GAB2: variants seen among roughly 807,000 people sequenced by gnomAD.
GAB2 encodes GRB2-associated-binding protein 2.
GAB2 carries 26 observed loss-of-function variants against 65.5 expected under a neutral mutation model. The ratio of observed to expected loss-of-function variants is 0.40; its 90% CI spans 0.29 to 0.55. The LOEUF is 0.55. Among genes scored for constraint, GAB2 ranks in the 20% least tolerant of loss-of-function variants. The pLI is 0.53. For synonymous variants in GAB2, 321 were observed against 329.6 expected, an observed-to-expected ratio of 0.97 and a Z score of 0.28; for missense variants, 884 against 875.8, an observed-to-expected ratio of 1.01 and a Z score of -0.12.
intron 1 of GAB2, among the ~76,000 whole-genome samples, chr11:78,387,807 T>C (rs146176789): frequency 1.3e-5 from 2 of 152,320 alleles, no homozygotes; most frequent in East Asian, 1.9e-4. Context: ...GTTTATTTTA[T>C]ATGGAGACAC....
intron 1 of GAB2, among the ~76,000 whole-genome samples, chr11:78,335,765 C>A (rs753046241): frequency 1.3e-5 from 2 of 152,090 alleles, no homozygotes; most frequent in East Asian, 1.9e-4. Context: ...TGTTCTATTT[C>A]TGTGAAGAAT....
chr11:78,275,238 T>C (rs1866132965), intron 2 of GAB2, among the ~76,000 whole-genome samples: 1 of 152,014 alleles, frequency 6.6e-6, no homozygotes, highest in Non-Finnish European at 1.5e-5. Context: ...CAGCCAAGGA[T>C]GGGGAGTGGG....
At chr11:78,258,707 C>CCCA (rs1165596259) in intron 2 of GAB2, among the ~76,000 whole-genome samples, 1 of 151,694 alleles carries the variant, frequency 6.6e-6, no homozygotes, top group African/African-American at 2.4e-5. Context: ...AGGTGATTCT[C>CCCA]CCACTTTGGC....
rs12364846 is a variant in GAB2, at chr11:78,279,787, C to T, written c.376+814G>A. On this transcript the variant is annotated intron_variant, in intron 2 of 9. Coordinates refer to ENST00000361507, the MANE Select transcript of GAB2 (RefSeq NM_080491.3). The stretch of plus-strand genomic sequence containing the variant: ...TGGCTTAGTAATATATATGTATATA[C>T]CATATTTGATTTATTGATGGATATT... Among the ~76,000 whole-genome samples, 637 of 152,174 alleles carry T rather than the reference C, an allele frequency of 4.2e-3. 1 individual carries two copies. The highest frequency in any genetic ancestry group is 6.6e-3 in the Non-Finnish European group (451 of 68,024).
At chr11:78,372,591 A>G (rs183782889) in intron 1 of GAB2, among the ~76,000 whole-genome samples, 1 of 152,330 alleles carries the variant, frequency 6.6e-6, no homozygotes, top group East Asian at 1.9e-4. Context: ...ACAAAAAGCC[A>G]GTTAAAATAG....
At chr11:78,303,626 T>C (rs1383763577) in intron 1 of GAB2, among the ~76,000 whole-genome samples, 1 of 152,222 alleles carries the variant, frequency 6.6e-6, no homozygotes, top group African/African-American at 2.4e-5. Context: ...TTTTTCAAAG[T>C]TGTTTTGGTT....
In GAB2 at chr11:78,229,167, G is replaced by A. The variant is rs116808353; in HGVS notation, c.621-2116C>T. ...GGGGGTGGTGGTAGACAATGTCAGG[G>A]AAGCCTCCTTCAGAGATGTTTTATC... On this transcript the variant is annotated intron_variant, in intron 3 of 9. Transcript: ENST00000361507. 6.7e-3 allele frequency among the ~76,000 whole-genome samples: 1,016 copies of A among 152,302 alleles called. 9 individuals are homozygous for A. Among genetic ancestry groups the A allele is most frequent in the African/African-American group, 0.023 (968 of 41,544 alleles).
At chr11:78,388,346 C>A (rs1565181612) in intron 1 of GAB2, among the ~76,000 whole-genome samples, 1 of 146,710 alleles carries the variant, frequency 6.8e-6, no homozygotes, top group African/African-American at 2.5e-5. Flanking sequence ...TGTTTTTTTG[C>A]GACAGGGTCT....
chr11:78,231,301 ACAGT>A (rs1397899222), intron 3 of GAB2, among the ~76,000 whole-genome samples: 3 of 151,294 alleles, frequency 2.0e-5, no homozygotes, highest in African/African-American at 7.3e-5. Context: ...TTGCCACCAT[ACAGT>A]CTCTCCCTTG....
Position 78,295,045 on chromosome 11 carries a change from A to G in GAB2, c.76-14144T>C, listed in dbSNP as rs187423458. ...AATGAACTCAAACAAATTTACAAGAAAAAAACAACCCCATCAAAAAGTTGA... is the reference window on the plus strand; with the variant it reads ...AATGAACTCAAACAAATTTACAAGAGAAAAACAACCCCATCAAAAAGTTGA... On this transcript the variant is annotated intron_variant, in intron 1 of 9. Transcript: ENST00000361507. Among the ~76,000 whole-genome samples, 690 of 152,366 alleles carry G rather than the reference A, an allele frequency of 4.5e-3. 4 individuals are homozygous for G. The highest frequency in any genetic ancestry group is 0.016 in the African/African-American group (669 of 41,582).
At chr11:78,306,483 TG>T (rs1451848055) in intron 1 of GAB2, among the ~76,000 whole-genome samples, 1 of 152,188 alleles carries the variant, frequency 6.6e-6, no homozygotes, top group African/African-American at 2.4e-5. Context: ...CTGCCCACCT[TG>T]GCCTCCCAAA....
chr11:78,344,460 G>A (rs1856148615), intron 1 of GAB2, among the ~76,000 whole-genome samples: 1 of 152,220 alleles, frequency 6.6e-6, no homozygotes, highest in Non-Finnish European at 1.5e-5. Flanking sequence ...GTGACGGAAA[G>A]AGAATCTATT....
intron 1 of GAB2, among the ~76,000 whole-genome samples, chr11:78,334,122 T>A (rs80249223): frequency 0.051 from 7,725 of 152,258 alleles, 597 homozygotes; most frequent in African/African-American, 0.17. Context: ...GTAACTTTTT[T>A]AATTTAATTT....
In GAB2 at chr11:78,270,922, A is replaced by G. The variant is rs181778271; in HGVS notation, c.376+9679T>C. Among the ~76,000 whole-genome samples the G allele has an allele frequency of 1.6e-3, 246 of 152,368 alleles. 1 individual carries two copies. Among genetic ancestry groups the G allele is most frequent in the African/African-American group, 5.8e-3 (242 of 41,584 alleles). On this transcript the variant is annotated intron_variant, in intron 2 of 9. Coordinates refer to ENST00000361507, the MANE Select transcript of GAB2 (RefSeq NM_080491.3). Reference sequence around the variant, plus strand: ...AGGGAAAGTGATTTATTCAACATCAATAAGGCAAATGAGTAGCAATGTTGA... The same window carrying G: ...AGGGAAAGTGATTTATTCAACATCAGTAAGGCAAATGAGTAGCAATGTTGA...
chr11:78,406,608 C>T (rs1857048401), intron 1 of GAB2, among the ~76,000 whole-genome samples: 1 of 152,120 alleles, frequency 6.6e-6, no homozygotes, highest in Admixed American at 6.5e-5. Context: ...GAGCTCCTGA[C>T]CTCAGGTGAC....
chr11:78,262,917 G>T (rs763496987), intron 2 of GAB2, among the ~76,000 whole-genome samples: 2 of 152,174 alleles, frequency 1.3e-5, no homozygotes, highest in Non-Finnish European at 2.9e-5. Flanking sequence ...GGTTTCACTA[G>T]AACACAGCTG....
chr11:78,291,190 C>T lies in GAB2; in HGVS notation c.76-10289G>A, dbSNP rs143504145. 2.3e-3 allele frequency among the ~76,000 whole-genome samples: 352 copies of T among 150,372 alleles called. 2 individuals are homozygous for T. Among genetic ancestry groups the T allele is most frequent in the African/African-American group, 8.3e-3 (341 of 40,894 alleles). ...GATCAAGGCTGGGCGTGGTGGCTCA[C>T]GTCTGTAATCCCAGCATTTTGAGAG... On this transcript the variant is annotated intron_variant, in intron 1 of 9. Coordinates refer to ENST00000361507, the MANE Select transcript of GAB2 (RefSeq NM_080491.3).
At chr11:78,238,974 A>T (rs982032242) in intron 3 of GAB2, among the ~76,000 whole-genome samples, 1 of 152,170 alleles carries the variant, frequency 6.6e-6, no homozygotes, top group Non-Finnish European at 1.5e-5. Flanking sequence ...TGAAATAGAT[A>T]TTTCTCCAAA....
chr11:78,286,273 T>A (rs1866479033), intron 1 of GAB2, among the ~76,000 whole-genome samples: 2 of 152,180 alleles, frequency 1.3e-5, no homozygotes, highest in African/African-American at 4.8e-5. Flanking sequence ...TCACCTTACC[T>A]CATCCATCTG....
Sources: allele counts gnomAD v4.1 joint callset (sites outside exome capture counted in the v4.1 genomes callset), GRCh38; gene constraint gnomAD v4.1.1; transcripts MANE v1.5; gene names NCBI Gene and HGNC (gene_info 2026-07-23, HGNC 2026-07-21).